The following FAM13A variants were observed in gnomAD, a reference collection of about 807,000 sequenced individuals.
FAM13A encodes family with sequence similarity 13 member A, also known as protein FAM13A.
FAM13A carries 76 observed loss-of-function variants against 129.6 expected under a neutral mutation model. That is an observed-to-expected ratio of 0.59 (90% CI 0.49 to 0.71). The LOEUF (loss-of-function observed/expected upper bound fraction) is 0.71, where lower values mean the gene tolerates loss of function less well. FAM13A is among the 30% of genes least tolerant of loss of function. The probability of loss-of-function intolerance (pLI) is 0.00; values close to 1 mark genes in which losing one functional copy is unlikely to be tolerated. For missense variants in FAM13A, 1,108 were observed against 1,249.3 expected (o/e 0.89, Z 1.70); for synonymous variants, 443 against 449.9 (o/e 0.98, Z 0.20).
At chr4:88,911,117 C>G (rs1749027525) in intron 5 of FAM13A, among the ~76,000 whole-genome samples, 1 of 152,192 alleles carries the variant, frequency 6.6e-6, no homozygotes, top group Admixed American at 6.5e-5. Context: ...TTCCAAGCCC[C>G]TTGTGCATTC....
intron 5 of FAM13A, among the ~76,000 whole-genome samples, chr4:88,933,824 T>C (rs936675342): frequency 6.6e-6 from 1 of 152,188 alleles, no homozygotes; most frequent in Non-Finnish European, 1.5e-5. Flanking sequence ...AGTAATCTTT[T>C]TAATACAGAA....
chr4:88,904,694 T>C (rs1026717517), intron 6 of FAM13A, among the ~76,000 whole-genome samples: 3 of 152,120 alleles, frequency 2.0e-5, no homozygotes, highest in African/African-American at 7.2e-5. Context: ...TGGTAGGAGA[T>C]CTGTGCAGCA....
At chr4:88,913,869 G>A (rs1424941926) in intron 5 of FAM13A, among the ~76,000 whole-genome samples, 2 of 151,942 alleles carry the variant, frequency 1.3e-5, no homozygotes, top group East Asian at 3.9e-4. Flanking sequence ...TGCCTAATTG[G>A]CAACTCTACA....
At chr4:88,905,651 G>A (rs1233723057) in intron 6 of FAM13A, 1 of 152,172 alleles carries the variant, frequency 6.6e-6, no homozygotes, top group Non-Finnish European at 1.5e-5. Context: ...GTGAGAACAT[G>A]TGGTATTTGG....
intron 7 of FAM13A, among the ~76,000 whole-genome samples, 180 bp downstream of exon 7, chr4:88,850,840 T>TG (rs2149984315): frequency 6.6e-6 from 1 of 152,354 alleles, no homozygotes; most frequent in East Asian, 1.9e-4. Flanking sequence ...AGAATGCTTC[T>TG]GTGATAAGAA....
intron 4 of FAM13A, among the ~76,000 whole-genome samples, chr4:88,973,454 A>T (rs549387175): frequency 3.3e-5 from 5 of 152,192 alleles, no homozygotes; most frequent in African/African-American, 1.2e-4. Flanking sequence ...CTTTAAATGC[A>T]TTCTTCATTT....
intron 5 of FAM13A, among the ~76,000 whole-genome samples, chr4:88,927,044 A>T (rs571724707): frequency 4.6e-5 from 7 of 152,160 alleles, no homozygotes; most frequent in African/African-American, 1.7e-4. Flanking sequence ...ATTAAGGTTA[A>T]TTCTATCTTT....
intron 23 of FAM13A, 91 bp from the exon 24 acceptor site, chr4:88,728,750 T>G: frequency 6.7e-7 from 1 of 1,490,346 alleles, no homozygotes; most frequent in Non-Finnish European, 9.2e-7. Flanking sequence ...GTTTAGAAAC[T>G]TTGCAGTTTA....
At chr4:88,733,463 C>T (rs1738306788) in intron 21 of FAM13A, among the ~76,000 whole-genome samples, 2 of 152,044 alleles carry the variant, frequency 1.3e-5, no homozygotes, top group Non-Finnish European at 1.5e-5. Context: ...TAAATGAATA[C>T]GTTTCTTTTT....
intron 7 of FAM13A, among the ~76,000 whole-genome samples, chr4:88,848,136 T>C (rs956198962): frequency 1.3e-5 from 2 of 152,230 alleles, no homozygotes; most frequent in African/African-American, 4.8e-5. Flanking sequence ...CTGTGCCCCT[T>C]ACTCTTTTCC....
At chr4:89,027,488 A>C (rs2464514) in intron 2 of FAM13A, among the ~76,000 whole-genome samples, 125,588 of 150,778 alleles carry the variant, frequency 0.83, 52,869 homozygotes, top group African/African-American at 0.95. Context: ...CCATCCTGGA[A>C]AACAGAGCAA....
chr4:88,988,534 T>C (rs1247709232), intron 4 of FAM13A, among the ~76,000 whole-genome samples: 1 of 152,208 alleles, frequency 6.6e-6, no homozygotes, highest in African/African-American at 2.4e-5. Flanking sequence ...AAAATACATA[T>C]TTACATATAT....
At chr4:88,738,626 A>T (rs924847526) in intron 20 of FAM13A, among the ~76,000 whole-genome samples, 1 of 152,096 alleles carries the variant, frequency 6.6e-6, no homozygotes, top group African/African-American at 2.4e-5. Flanking sequence ...CAAGGGAGTT[A>T]TCCCTCTCTT....
chr4:89,014,225 G>A lies in FAM13A; in HGVS notation c.427+6235C>T, dbSNP rs115295185. 4.8e-3 allele frequency among the ~76,000 whole-genome samples: 735 copies of A among 152,296 alleles called. 8 individuals carry two copies. The highest frequency in any genetic ancestry group is 0.017 in the African/African-American group (686 of 41,568). On this transcript the variant is annotated intron_variant, in intron 3 of 23. Transcript: ENST00000264344. ...TAGGAACGCACTCAGTAAGCCTACC[G>A]TATTTGCCATTGATTTTGAACTATG...
intron 7 of FAM13A, among the ~76,000 whole-genome samples, chr4:88,810,415 G>C (rs1314792751): frequency 6.6e-6 from 1 of 151,972 alleles, no homozygotes; most frequent in Non-Finnish European, 1.5e-5. Flanking sequence ...CATTAAGATG[G>C]GCCTGAATCT....
chr4:88,745,745 C>CA (rs949536923), intron 19 of FAM13A, among the ~76,000 whole-genome samples: 32 of 151,614 alleles, frequency 2.1e-4, no homozygotes, highest in African/African-American at 6.1e-4. Context: ...TCAATGCCTT[C>CA]AAAAAAAATC....
intron 5 of FAM13A, among the ~76,000 whole-genome samples, chr4:88,930,738 C>A (rs1752903904): frequency 6.6e-6 from 1 of 151,956 alleles, no homozygotes; most frequent in Admixed American, 6.6e-5. Context: ...CTCTTAAGGT[C>A]CTAGGCAACT....
intron 3 of FAM13A, among the ~76,000 whole-genome samples, chr4:89,000,490 A>AG (rs1483400469): frequency 6.6e-6 from 1 of 152,180 alleles, no homozygotes; most frequent in African/African-American, 2.4e-5. Flanking sequence ...GAAAGAAAGT[A>AG]GACTGGTCTT....
chr4:89,041,380 T>C (rs1418345379), intron 1 of FAM13A, among the ~76,000 whole-genome samples: 2 of 152,076 alleles, frequency 1.3e-5, no homozygotes, highest in East Asian at 3.9e-4. Flanking sequence ...TCAACAAAAA[T>C]TGTTATGAGA....
Sources: allele counts gnomAD v4.1 joint callset (sites outside exome capture counted in the v4.1 genomes callset), GRCh38; gene constraint gnomAD v4.1.1; transcripts MANE v1.5; gene names NCBI Gene and HGNC (gene_info 2026-07-23, HGNC 2026-07-21).